DGKB: variants seen among roughly 807,000 people sequenced by gnomAD.
The protein encoded by DGKB is 90 kDa diacylglycerol kinase.
DGKB carries 67 observed loss-of-function variants against 114.3 expected under a neutral mutation model. The observed-to-expected ratio is 0.59, with a 90% CI of 0.48 to 0.72. DGKB has a LOEUF of 0.72. Among genes scored for constraint, DGKB ranks in the 30% least tolerant of loss-of-function variants. DGKB has a pLI of 0.00. For missense variants in DGKB, 907 were observed against 975.2 expected (o/e 0.93, Z 0.93); for synonymous variants, 398 against 323.1 (o/e 1.23, Z -2.49).
chr7:14,453,554 C>T (rs566804643), intron 21 of DGKB, among the ~76,000 whole-genome samples: 2 of 152,234 alleles, frequency 1.3e-5, no homozygotes, highest in East Asian at 3.9e-4. Context: ...CATTTCTAAC[C>T]ATCTCCATTG....
intron 2 of DGKB, among the ~76,000 whole-genome samples, chr7:14,776,248 T>C (rs1838159457): frequency 6.6e-6 from 1 of 152,152 alleles, no homozygotes; most frequent in African/African-American, 2.4e-5. Context: ...TTTGAAAAAT[T>C]TGCAGCCTGA....
chr7:14,955,541 G>C (rs1250614917), intron 1 of DGKB, among the ~76,000 whole-genome samples: 1 of 152,016 alleles, frequency 6.6e-6, no homozygotes, highest in African/African-American at 2.4e-5. Flanking sequence ...GAAGAATGTA[G>C]TCATCTCAGA....
At chr7:14,786,323 A>C (rs1839892469) in intron 2 of DGKB, among the ~76,000 whole-genome samples, 1 of 152,186 alleles carries the variant, frequency 6.6e-6, no homozygotes, top group Non-Finnish European at 1.5e-5. Context: ...ATCAGGTTGT[A>C]ATGTCTTTGG....
intron 23 of DGKB, among the ~76,000 whole-genome samples, chr7:14,244,972 G>A (rs1794257777): frequency 6.6e-6 from 1 of 152,026 alleles, no homozygotes; most frequent in Non-Finnish European, 1.5e-5. Flanking sequence ...TGAAGTTCAG[G>A]CAACTCTTCT....
chr7:14,397,612 A>G (rs1199806995), intron 21 of DGKB, among the ~76,000 whole-genome samples: 1 of 152,052 alleles, frequency 6.6e-6, no homozygotes, highest in Non-Finnish European at 1.5e-5. Flanking sequence ...TACCACTTCT[A>G]TCACTATGTG....
chr7:14,478,036 ACACACACACG>A, intron 21 of DGKB, 115 bp downstream of exon 21: 1 of 537,510 alleles, frequency 1.9e-6, no homozygotes, highest in Non-Finnish European at 3.3e-6. Flanking sequence ...ACACACACAC[ACACACACACG>A]CACACAAAGC....
chr7:14,308,155 C>T (rs1043080780), intron 23 of DGKB, among the ~76,000 whole-genome samples: 1 of 151,634 alleles, frequency 6.6e-6, no homozygotes, highest in Admixed American at 6.6e-5. Context: ...TAAAGATAAC[C>T]CGTATAGTTT....
At chr7:14,867,668 C>G (rs761906429) in intron 1 of DGKB, among the ~76,000 whole-genome samples, 41 of 152,064 alleles carry the variant, frequency 2.7e-4, no homozygotes, top group Non-Finnish European at 8.8e-5. Context: ...GTAATTAACT[C>G]ATATAAATAT....
intron 1 of DGKB, among the ~76,000 whole-genome samples, chr7:14,891,971 A>G (rs1587243981): frequency 6.6e-6 from 1 of 151,418 alleles, no homozygotes; most frequent in Non-Finnish European, 1.5e-5. Flanking sequence ...ATGCAAAGCC[A>G]TTGAGAAAGG....
chr7:14,225,729 A>G (rs1790696429), intron 23 of DGKB, among the ~76,000 whole-genome samples: 1 of 140,652 alleles, frequency 7.1e-6, no homozygotes. Context: ...TAGAGATTTA[A>G]AAAAAATAAC....
intron 23 of DGKB, among the ~76,000 whole-genome samples, chr7:14,330,582 G>T (rs923867299): frequency 6.6e-6 from 1 of 151,834 alleles, no homozygotes; most frequent in African/African-American, 2.4e-5. Flanking sequence ...GTCAGATTTT[G>T]TTTTTAAAAT....
intron 14 of DGKB, among the ~76,000 whole-genome samples, chr7:14,628,583 A>C (rs1053140767): frequency 6.6e-6 from 1 of 152,156 alleles, no homozygotes; most frequent in Non-Finnish European, 1.5e-5. Context: ...AATGAATATA[A>C]ATGTACATAT....
At chr7:14,568,834 G>A (rs1287380342) in intron 20 of DGKB, among the ~76,000 whole-genome samples, 2 of 152,278 alleles carry the variant, frequency 1.3e-5, no homozygotes, top group Non-Finnish European at 2.9e-5. Context: ...AATAAGGGAC[G>A]ATAGTTGAAA....
intron 17 of DGKB, among the ~76,000 whole-genome samples, chr7:14,605,836 T>C (rs1367342954): frequency 6.6e-6 from 1 of 152,150 alleles, no homozygotes; most frequent in Non-Finnish European, 1.5e-5. Flanking sequence ...ACTGAGGACA[T>C]GCTATGCAGT....
chr7:14,973,814 G>A lies in DGKB; in HGVS notation c.-188+882C>T, dbSNP rs866464046. 2.0e-4 allele frequency among the ~76,000 whole-genome samples: 30 copies of A among 146,434 alleles called. No individual in the cohort carries two copies. The South Asian group carries it at 3.0e-3, about 14-fold the overall frequency. On this transcript the variant is annotated intron_variant, in intron 1 of 4. Coordinates refer to the DGKB transcript ENST00000437998. ...AAATTTTAAATTTCAGATAGGTTGT[G>A]TATATATAAATTACATATAAAAATA...
chr7:14,180,665 A>G (rs1782504760), intron 23 of DGKB, among the ~76,000 whole-genome samples: 1 of 152,186 alleles, frequency 6.6e-6, no homozygotes, highest in Non-Finnish European at 1.5e-5. Flanking sequence ...ATTTGCCCCC[A>G]TAACACTTCC....
chr7:14,778,126 TTAAAGA>T (rs757293786), intron 2 of DGKB, among the ~76,000 whole-genome samples: 1 of 152,206 alleles, frequency 6.6e-6, no homozygotes, highest in Non-Finnish European at 1.5e-5. Flanking sequence ...CACCCTGTTC[TTAAAGA>T]TAAAAGACTG....
intron 25 of DGKB, among the ~76,000 whole-genome samples, chr7:14,165,165 C>T (rs1784440834): frequency 6.6e-6 from 1 of 152,110 alleles, no homozygotes. Context: ...TTTTTAACCT[C>T]AGACTACATT....
rs76614429 is a variant in DGKB, at chr7:14,619,571, C to T, written c.1284+1807G>A. Reference sequence around the variant, plus strand: ...ATAAATTGTATCTCAAAGCCTGCAGCAATATAAAAGCACACAGAAGAACAA... The same window carrying T: ...ATAAATTGTATCTCAAAGCCTGCAGTAATATAAAAGCACACAGAAGAACAA... On this transcript the variant is annotated intron_variant, in intron 15 of 25. Coordinates refer to ENST00000402815, the MANE Select transcript of DGKB (RefSeq NM_001350709.2). 6.8e-3 allele frequency among the ~76,000 whole-genome samples: 1,034 copies of T among 151,536 alleles called. 16 individuals carry two copies. The highest frequency in any genetic ancestry group is 0.022 in the African/African-American group (922 of 41,434).
Sources: gnomAD v4.1 joint callset for allele counts (sites outside exome capture counted in the v4.1 genomes callset) on GRCh38, gnomAD v4.1.1 for gene constraint, MANE v1.5 for transcripts, NCBI Gene and HGNC (gene_info 2026-07-23, HGNC 2026-07-21) for gene names.